Variants in PHLDB3 observed in about 807,000 individuals in gnomAD.
The protein encoded by PHLDB3 is pleckstrin homology-like domain family B member 3.
Under a neutral mutation model 85.7 loss-of-function variants are expected in PHLDB3, and 86 were observed. That is an observed-to-expected ratio of 1.00 (90% CI 0.84 to 1.20). The LOEUF (loss-of-function observed/expected upper bound fraction) is 1.20, where lower values mean the gene tolerates loss of function less well. PHLDB3 is among the 50% of genes most tolerant of loss of function. PHLDB3 has a pLI of 0.00. For synonymous variants in PHLDB3, 376 were observed against 349.8 expected (o/e 1.07, Z -0.83); for missense variants, 995 against 873.0 (o/e 1.14, Z -1.76).
At chr19:43,477,521 A>T (rs1045907316) in intron 15 of PHLDB3, among the ~76,000 whole-genome samples, 8 of 148,786 alleles carry the variant, frequency 5.4e-5, no homozygotes, top group African/African-American at 1.8e-4. Flanking sequence ...CATCTAAAAA[A>T]AAAAAAAGAG....
At chr19:43,484,655 T>G (rs965140503) in intron 13 of PHLDB3, among the ~76,000 whole-genome samples, 5 of 152,130 alleles carry the variant, frequency 3.3e-5, no homozygotes, top group African/African-American at 1.2e-4. Context: ...GAGGTTCCAG[T>G]GAGCTGAGAT....
chr19:43,492,378 A>G (rs1425739896), intron 9 of PHLDB3, among the ~76,000 whole-genome samples: 2 of 151,948 alleles, frequency 1.3e-5, no homozygotes, highest in Non-Finnish European at 2.9e-5. Context: ...GAGCTGACGC[A>G]CACTGTTATT....
chr19:43,495,423 G>A (rs1011253932), intron 7 of PHLDB3, 72 bp downstream of exon 7: 2 of 1,598,594 alleles, frequency 1.3e-6, no homozygotes, highest in Admixed American at 1.7e-5. Context: ...GACATCTGGG[G>A]TGCAGGGAGG....
chr19:43,487,056 C>G lies in PHLDB3; in HGVS notation c.1217G>C (p.Gly406Ala). ...RKRGERGSQR[G>A]SPRPLSFHCT... ...ATGGAAGGACAGAGGTCGGGGGGAT[C>G]CTCTCTGGCTCCCCCTCTCCCCCCT... Residue 406 changes from glycine (G) to alanine (A), a missense_variant, in exon 10 of 16, where the codon GGA becomes GCA. Gly to Ala is a moderately conservative substitution (Grantham distance 60). Transcript: ENST00000292140. 1 of 1,577,908 alleles carries G rather than the reference C, an allele frequency of 6.3e-7. No homozygotes were observed.
intron 9 of PHLDB3, among the ~76,000 whole-genome samples, chr19:43,493,161 C>A (rs1011678000): frequency 3.9e-5 from 6 of 151,948 alleles, no homozygotes; most frequent in Non-Finnish European, 5.9e-5. Flanking sequence ...TGCCTGTAAT[C>A]CCAGCTACTC....
chr19:43,501,731 G>C lies in PHLDB3; in HGVS notation c.534+3C>G. On this transcript the variant is annotated splice_donor_region_variant and intron_variant, in intron 4 of 15. Transcript: ENST00000292140. Reference sequence around the variant, plus strand: ...TGATGAAGACCCGGTGAGCCAAACAGACCTGTTCCCGCTGCTGGCGGCCGC... The same window carrying C: ...TGATGAAGACCCGGTGAGCCAAACACACCTGTTCCCGCTGCTGGCGGCCGC... 6.3e-7 allele frequency: 1 copy of C among 1,580,718 alleles called. No individual in the cohort carries two copies. The highest frequency in any genetic ancestry group is 8.6e-7 in the Non-Finnish European group (1 of 1,169,166).
Position 43,497,141 on chromosome 19 carries a change from G to A in PHLDB3, c.802C>T (p.Gln268Ter), listed in dbSNP as rs1316841472. The change falls in exon 6 of 16, where the codon CAG (glutamine) becomes TAG (stop). Residue 268 changes from glutamine to a stop codon, truncating the protein, a stop_gained. Transcript: ENST00000292140. LOFTEE classifies it high-confidence loss of function. ...ACTCTGTGCTGCGCCATGCTGGCCT[G>A]GAGTTCCTGGACCTTGGGGTCTGGC... ...QVPDPKVQEL[Q>*]ASMAQHRRGA... 1 of 1,544,574 alleles carries A rather than the reference G, an allele frequency of 6.5e-7. No individual in the cohort carries two copies. Among genetic ancestry groups the A allele is most frequent in the Non-Finnish European group, 8.7e-7 (1 of 1,150,140 alleles).
intron 14 of PHLDB3, among the ~76,000 whole-genome samples, chr19:43,478,936 AAAAC>A (rs945108161): frequency 2.3e-4 from 35 of 151,990 alleles, no homozygotes; most frequent in Non-Finnish European, 2.9e-5. Context: ...AACAAAAACA[AAAAC>A]AAAAAAAAGT....
At position 43,487,093 on chromosome 19, in the gene PHLDB3, G is replaced by C; in HGVS notation, c.1180C>G (p.Leu394Val). 6.4e-7 allele frequency: 1 copy of C among 1,570,818 alleles called. No individual in the cohort carries two copies. Among genetic ancestry groups the C allele is most frequent in the Non-Finnish European group, 8.6e-7 (1 of 1,157,928 alleles). Residue 394 changes from leucine to valine, a missense_variant, in exon 10 of 16, where the codon CTG (leucine) becomes GTG (valine). Transcript: ENST00000292140. ...CCCCTCTCCCCCCTTTTCCGGGGCAGGCTCCCAGTCCTCTGGAGGCCAATG... is the reference window on the plus strand; with the variant it reads ...CCCCTCTCCCCCCTTTTCCGGGGCACGCTCCCAGTCCTCTGGAGGCCAATG... ...GSIGLQRTGS[L>V]PRKRGERGSQ...
At chr19:43,502,457 CT>C (rs10685194) in intron 2 of PHLDB3, among the ~76,000 whole-genome samples, 174 bp from the exon 3 acceptor site, 22,338 of 136,498 alleles carry the variant, frequency 0.16, 1,651 homozygotes, top group Non-Finnish European at 0.17. Context: ...TCTTTCTTAT[CT>C]TTTTTTTTTT....
chr19:43,485,670 C>A (rs1411530923), intron 13 of PHLDB3, among the ~76,000 whole-genome samples: 1 of 150,976 alleles, frequency 6.6e-6, no homozygotes, highest in Non-Finnish European at 1.5e-5. Flanking sequence ...GATTCTCATG[C>A]CTCAGTCTCC....
At position 43,495,572 on chromosome 19, in the gene PHLDB3, A is replaced by C; in HGVS notation, c.874T>G (p.Ser292Ala). The C allele has an allele frequency of 6.2e-7, 1 of 1,610,662 alleles. No homozygotes were observed. The highest frequency in any genetic ancestry group is 8.5e-7 in the Non-Finnish European group (1 of 1,178,642). The change falls in exon 7 of 16, where the codon TCA (serine) becomes GCA (alanine). Residue 292 changes from serine (S) to alanine (A), a missense_variant. Transcript: ENST00000292140. ...TCGGCTGCCATCTGCTCCCCCAGTGACTTGAGCTGCTCTTCCAGGACCCGG... is the reference window on the plus strand; with the variant it reads ...TCGGCTGCCATCTGCTCCCCCAGTGCCTTGAGCTGCTCTTCCAGGACCCGG... Reference protein sequence around the residue: ...RIRVLEEQLKSLGEQMAAESR... With the variant: ...RIRVLEEQLKALGEQMAAESR...
In PHLDB3 at chr19:43,502,288, A is replaced by T; in HGVS notation, c.214-5T>A. 1 of 1,551,758 alleles carries T rather than the reference A, an allele frequency of 6.4e-7. No homozygotes were observed. Among genetic ancestry groups the T allele is most frequent in the Non-Finnish European group, 8.7e-7 (1 of 1,153,428 alleles). On this transcript the variant is annotated splice_region_variant and splice_polypyrimidine_tract_variant and intron_variant, in intron 2 of 15. Coordinates refer to ENST00000292140, the MANE Select transcript of PHLDB3 (RefSeq NM_198850.4). ...TATCGGAGGCGTAGCCTCGGGCTGA[A>T]GTTGAGGGGGGCGTGGTTAAGTGGA...
intron 13 of PHLDB3, among the ~76,000 whole-genome samples, chr19:43,480,300 G>A (rs938247378): frequency 2.1e-5 from 3 of 145,558 alleles, no homozygotes; most frequent in African/African-American, 5.1e-5. Context: ...AAAGGAGAGA[G>A]AGAAGAGAAG....
chr19:43,486,111 G>A, intron 13 of PHLDB3, 155 bp downstream of exon 13: 3 of 985,424 alleles, frequency 3.0e-6, no homozygotes, highest in Non-Finnish European at 3.6e-6. Context: ...ATGGGAACAG[G>A]AACTGGTCCT....
chr19:43,487,591 A>AAAAAAAAAAAAAAAAAAAAAAAAAAAAC lies in PHLDB3; in HGVS notation c.1150-469_1150-468insGTTTTTTTTTTTTTTTTTTTTTTTTTTT, dbSNP rs1167897767. ...CTCTGTCTCAAAAAAAAAAAAAAAAAACACAGAAAAGAAAAAAAGAAATGT... is the reference window on the plus strand; with the variant it reads ...CTCTGTCTCAAAAAAAAAAAAAAAAAAAAAAAAAAAAAAAAAAAAAAAAAAAACACACAGAAAAGAAAAAAAGAAATGT... On this transcript the variant is annotated intron_variant, in intron 9 of 15. Transcript: ENST00000292140. Among the ~76,000 whole-genome samples, 174 of 115,680 alleles carry AAAAAAAAAAAAAAAAAAAAAAAAAAAAC rather than the reference A, an allele frequency of 1.5e-3. 19 individuals are homozygous for AAAAAAAAAAAAAAAAAAAAAAAAAAAAC. The highest frequency in any genetic ancestry group is 2.3e-3 in the Non-Finnish European group (118 of 51,370). 75.9% of individuals were successfully genotyped at this position (115,680 alleles called of 152,430 possible).
intron 15 of PHLDB3, among the ~76,000 whole-genome samples, chr19:43,476,089 C>T (rs1443587180): frequency 1.3e-5 from 2 of 152,202 alleles, no homozygotes; most frequent in Non-Finnish European, 2.9e-5. Flanking sequence ...GCCACTGTGC[C>T]AGGCCGAGAA....
In PHLDB3 at chr19:43,502,263, TATC is replaced by T. The variant is rs1568486504; in HGVS notation, c.231_233del (p.Ile78del). 1.3e-6 allele frequency: 2 copies of T among 1,562,640 alleles called. No individual in the cohort carries two copies. Among genetic ancestry groups the T allele is most frequent in the South Asian group, 1.2e-5 (1 of 85,372 alleles). The stretch of plus-strand genomic sequence containing the variant: ...ATGCGGGAGGTGTGGCCGCCATAGC[TATC>T]GGAGGCGTAGCCTCGGGCTGAAGTT... On this transcript the variant is annotated inframe_deletion, in exon 3 of 16. Transcript: ENST00000292140.
chr19:43,483,281 CTTT>C (rs995373217), intron 13 of PHLDB3, among the ~76,000 whole-genome samples: 1 of 145,662 alleles, frequency 6.9e-6, no homozygotes, highest in African/African-American at 2.5e-5. Flanking sequence ...ATCTATCATT[CTTT>C]TTTTTTTTTG....
Sources: allele counts gnomAD v4.1 joint callset (sites outside exome capture counted in the v4.1 genomes callset), GRCh38; gene constraint gnomAD v4.1.1; transcripts MANE v1.5; gene names NCBI Gene and HGNC (gene_info 2026-07-23, HGNC 2026-07-21).